The following MEIKIN variants were observed in gnomAD, a reference collection of about 807,000 sequenced individuals.
MEIKIN encodes meiosis-specific kinetochore protein.
intron 9 of MEIKIN, among the ~76,000 whole-genome samples, chr5:131,864,081 C>G (rs1750337011): frequency 6.6e-6 from 1 of 152,120 alleles, no homozygotes. Flanking sequence ...TTCTTGTAGG[C>G]AGCATATAGT....
intron 11 of MEIKIN, among the ~76,000 whole-genome samples, chr5:131,849,821 G>T (rs1280329897): frequency 1.3e-5 from 2 of 151,752 alleles, no homozygotes; most frequent in African/African-American, 4.8e-5. Context: ...GTTCTAGCCG[G>T]AGCAATTAGG....
At chr5:131,891,061 A>G (rs968241564) in intron 8 of MEIKIN, among the ~76,000 whole-genome samples, 13 of 152,264 alleles carry the variant, frequency 8.5e-5, no homozygotes, top group Middle Eastern at 3.4e-3. Flanking sequence ...TTCTAGTTTG[A>G]TTGCACTGTG....
intron 12 of MEIKIN, among the ~76,000 whole-genome samples, chr5:131,812,665 G>A (rs1773017143): frequency 6.6e-6 from 1 of 152,162 alleles, no homozygotes; most frequent in Admixed American, 6.5e-5. Context: ...AGATTTGAAG[G>A]GAGGCCCAGA....
At chr5:131,809,443 G>A (rs759715370) in intron 12 of MEIKIN, among the ~76,000 whole-genome samples, 28 of 152,142 alleles carry the variant, frequency 1.8e-4, no homozygotes, top group Admixed American at 1.8e-3. Flanking sequence ...TTTACATGAG[G>A]TGGCATAACC....
chr5:131,915,714 A>C (rs755103009), intron 7 of MEIKIN, among the ~76,000 whole-genome samples: 2 of 152,196 alleles, frequency 1.3e-5, no homozygotes, highest in Non-Finnish European at 2.9e-5. Flanking sequence ...AAGTAAATGG[A>C]TGACAGTAAG....
intron 4 of MEIKIN, among the ~76,000 whole-genome samples, chr5:131,940,669 A>T (rs1288783766): frequency 6.6e-6 from 1 of 151,998 alleles, no homozygotes; most frequent in East Asian, 1.9e-4. Context: ...GAGATTTTGG[A>T]AGAGTGATGA....
chr5:131,928,084 C>T (rs1428604155), intron 5 of MEIKIN, among the ~76,000 whole-genome samples: 1 of 145,596 alleles, frequency 6.9e-6, no homozygotes, highest in Non-Finnish European at 1.5e-5. Flanking sequence ...GCGGAGCTTG[C>T]AGTGAGTTGA....
chr5:131,905,315 A>G (rs1751225915), intron 8 of MEIKIN, among the ~76,000 whole-genome samples: 2 of 152,198 alleles, frequency 1.3e-5, no homozygotes. Context: ...AGGGAAGTTT[A>G]TAGCACTAAA....
At chr5:131,888,407 T>C (rs1168228874) in intron 8 of MEIKIN, among the ~76,000 whole-genome samples, 1 of 151,976 alleles carries the variant, frequency 6.6e-6, no homozygotes, top group East Asian at 1.9e-4. Context: ...CCATTCTAAC[T>C]GGTGTGAGAT....
chr5:131,842,323 C>T (rs1311662651), intron 11 of MEIKIN, among the ~76,000 whole-genome samples: 1 of 152,206 alleles, frequency 6.6e-6, no homozygotes, highest in Non-Finnish European at 1.5e-5. Context: ...TGCTCTGGCT[C>T]AGACTTCTAG....
At chr5:131,863,119 T>C (rs918311893) in intron 9 of MEIKIN, among the ~76,000 whole-genome samples, 2 of 152,212 alleles carry the variant, frequency 1.3e-5, no homozygotes, top group African/African-American at 4.8e-5. Flanking sequence ...GGTATTGATT[T>C]CTAATTTTAT....
chr5:131,894,677 C>T (rs535936715), intron 8 of MEIKIN, among the ~76,000 whole-genome samples: 22 of 152,244 alleles, frequency 1.4e-4, no homozygotes, highest in Admixed American at 4.6e-4. Context: ...AATGGGAGTT[C>T]ACTCATGATT....
chr5:131,898,168 T>C (rs963492054), intron 8 of MEIKIN, among the ~76,000 whole-genome samples: 1 of 152,228 alleles, frequency 6.6e-6, no homozygotes, highest in African/African-American at 2.4e-5. Flanking sequence ...GTCCCTCAGC[T>C]GCAGGTCTGC....
At chr5:131,819,755 A>AC (rs1209385434) in intron 11 of MEIKIN, among the ~76,000 whole-genome samples, 1 of 142,046 alleles carries the variant, frequency 7.0e-6, no homozygotes, top group Non-Finnish European at 1.5e-5. Context: ...ATGCACCACT[A>AC]CATCCAGCTA....
intron 10 of MEIKIN, among the ~76,000 whole-genome samples, chr5:131,854,167 A>G (rs1011052054): frequency 6.6e-6 from 1 of 152,216 alleles, no homozygotes; most frequent in Non-Finnish European, 1.5e-5. Context: ...ATCCTTAAAA[A>G]TAAAATTCTG....
intron 5 of MEIKIN, among the ~76,000 whole-genome samples, chr5:131,929,709 CCA>C (rs1751649848): frequency 6.6e-6 from 1 of 152,146 alleles, no homozygotes; most frequent in Non-Finnish European, 1.5e-5. Context: ...CAAGTAAGCC[CCA>C]GTGTCTACTG....
chr5:131,878,805 T>C, intron 9 of MEIKIN, 173 bp downstream of exon 9: 1 of 367,566 alleles, frequency 2.7e-6, no homozygotes, highest in Non-Finnish European at 4.8e-6. Flanking sequence ...AGCCCAGAAG[T>C]TCAAGGCTGT....
intron 9 of MEIKIN, among the ~76,000 whole-genome samples, chr5:131,871,657 T>G (rs1269484359): frequency 6.6e-6 from 1 of 152,166 alleles, no homozygotes; most frequent in East Asian, 1.9e-4. Flanking sequence ...GTAGTGGTTC[T>G]CCCAGCACGC....
intron 8 of MEIKIN, among the ~76,000 whole-genome samples, chr5:131,882,833 G>GT (rs1472665558): frequency 6.6e-6 from 1 of 152,000 alleles, no homozygotes; most frequent in Non-Finnish European, 1.5e-5. Context: ...CCATCTCATG[G>GT]TTTTTTCACT....
Sources: allele counts gnomAD v4.1 joint callset (sites outside exome capture counted in the v4.1 genomes callset), GRCh38; gene constraint gnomAD v4.1.1; transcripts MANE v1.5; gene names NCBI Gene and HGNC (gene_info 2026-07-23, HGNC 2026-07-21).